The following KIF7 variants were observed in gnomAD, a reference collection of about 807,000 sequenced individuals.
KIF7 encodes kinesin-like protein KIF7.
A neutral mutation model predicts 135.7 loss-of-function variants in KIF7; 104 were observed. The ratio of observed to expected loss-of-function variants is 0.77; its 90% CI spans 0.65 to 0.90. KIF7 has a LOEUF of 0.90. Among genes scored for constraint, KIF7 ranks in the 40% least tolerant of loss-of-function variants. KIF7 has a pLI of 0.00. For synonymous variants in KIF7, 883 were observed against 809.4 expected (o/e 1.09, Z -1.54); for missense variants, 2,005 against 1,839.1 (o/e 1.09, Z -1.65).
upstream of KIF7, among the ~76,000 whole-genome samples, chr15:89,658,912 C>T (rs1964231832): frequency 6.6e-6 from 1 of 151,808 alleles, no homozygotes; most frequent in East Asian, 1.9e-4. Context: ...ATGGATAAAG[C>T]GTTAGAGGAA....
At chr15:89,623,670 AC>A, downstream of KIF7, 10 of 1,612,416 alleles carry the variant, frequency 6.2e-6, no homozygotes, top group Non-Finnish European at 7.6e-6. Context: ...CTAAAACTAC[AC>A]CAAGAAGGAT....
intron 11 of KIF7, among the ~76,000 whole-genome samples, chr15:89,641,366 T>G (rs1185930840): frequency 6.6e-6 from 1 of 152,144 alleles, no homozygotes; most frequent in Non-Finnish European, 1.5e-5. Context: ...ACTAAACTTC[T>G]GCTGTTTAAA....
chr15:89,645,489 C>G (rs985616044), intron 8 of KIF7, 38 bp from the exon 9 acceptor site: 3 of 1,527,918 alleles, frequency 2.0e-6, no homozygotes, highest in Non-Finnish European at 2.7e-6. Context: ...TCCTCCCCAG[C>G]CCCTGCCCCA....
chr15:89,655,047 G>A (rs1964186402), intron 1 of KIF7, among the ~76,000 whole-genome samples: 4 of 152,248 alleles, frequency 2.6e-5, no homozygotes, highest in Admixed American at 2.0e-4. Flanking sequence ...TTCGGAGCCG[G>A]GGCAGGGCAG....
In KIF7 at chr15:89,648,448, T is replaced by G; in HGVS notation, c.1250A>C (p.Asp417Ala). ...CTCGCGCAAGAGGCTGTAGGCGGCGTCGGTGCAGGCCCGGTAGCGCGCGCA... is the reference window on the plus strand; with the variant it reads ...CTCGCGCAAGAGGCTGTAGGCGGCGGCGGTGCAGGCCCGGTAGCGCGCGCA... ...AECARYRACT[D>A]AAYSLLRELQ... Residue 417 changes from aspartate (D) to alanine (A), a missense_variant, in exon 5 of 19, where the codon GAC becomes GCC. Physicochemically the swap from Asp to Ala is moderately radical, Grantham distance 126 (BLOSUM62 -2). Coordinates refer to ENST00000394412, the MANE Select transcript of KIF7 (RefSeq NM_198525.3). 9.1e-7 allele frequency: 1 copy of G among 1,094,380 alleles called. No homozygotes were observed. The highest frequency in any genetic ancestry group is 5.6e-5 in the East Asian group (1 of 17,888). 67.8% of individuals were successfully genotyped at this position (1,094,380 alleles called of 1,614,324 possible).
chr15:89,647,418 C>A (rs1039165130), intron 6 of KIF7, among the ~76,000 whole-genome samples, 178 bp downstream of exon 6: 2 of 152,154 alleles, frequency 1.3e-5, no homozygotes, highest in Admixed American at 1.3e-4. Context: ...GTCCTGCACA[C>A]CCACCTGCGC....
At chr15:89,640,303 TAAAAA>T (rs1963894929) in intron 11 of KIF7, among the ~76,000 whole-genome samples, 2 of 90,772 alleles carry the variant, frequency 2.2e-5, no homozygotes, top group Non-Finnish European at 6.7e-5. Context: ...AATAATAAAT[TAAAAA>T]TAATAATAAT....
intron 15 of KIF7, chr15:89,630,955 G>A (rs551302851): frequency 7.3e-5 from 21 of 288,032 alleles, no homozygotes; most frequent in Non-Finnish European, 1.4e-4. Context: ...GACAGCATGT[G>A]ACTGTACTGA....
chr15:89,660,300 T>C (rs1436423354), upstream of KIF7, among the ~76,000 whole-genome samples: 1 of 152,174 alleles, frequency 6.6e-6, no homozygotes. Flanking sequence ...TTCCCCTCCA[T>C]TTAGGACTTC....
At chr15:89,655,809 C>G (rs1964200834), upstream of KIF7, among the ~76,000 whole-genome samples, 1 of 152,196 alleles carries the variant, frequency 6.6e-6, no homozygotes, top group Non-Finnish European at 1.5e-5. Context: ...AATCTCCCCA[C>G]GTTTAAAAAA....
chr15:89,633,097 C>G (rs1391145851), intron 13 of KIF7, 44 bp downstream of exon 13: 1 of 1,601,002 alleles, frequency 6.2e-7, no homozygotes, highest in East Asian at 2.2e-5. Flanking sequence ...ACCCACCAGC[C>G]AGCCCCCAGG....
At chr15:89,636,180 G>A (rs1438630607) in intron 11 of KIF7, among the ~76,000 whole-genome samples, 209 of 151,994 alleles carry the variant, frequency 1.4e-3, no homozygotes, top group African/African-American at 3.1e-3. Flanking sequence ...TGAAGGAAGC[G>A]CTAAACATGG....
rs774683334 is a variant in KIF7 at position 89,645,061 on chromosome 15, T to C, written c.2143A>G (p.Ile715Val). 55 of 1,606,656 alleles carry C rather than the reference T, an allele frequency of 3.4e-5. No homozygotes were observed. The highest frequency in any genetic ancestry group is 3.3e-4 in the Admixed American group (20 of 60,004). The change falls in exon 10 of 19, where the codon ATC becomes GTC. Residue 715 changes from isoleucine to valine, a missense_variant. Physicochemically the swap from Ile to Val is conservative, Grantham distance 29 (BLOSUM62 3). Transcript: ENST00000394412. ...AGCTCCTCCTTCATGCGGATGTTGA[T>C]AGCCAGCTCCCGGATCTTCTGCTGG... is the stretch of plus-strand genomic sequence containing the variant. ...QAQQKIRELA[I>V]NIRMKEELIG...
At chr15:89,652,298 C>T (rs1030969259) in intron 2 of KIF7, among the ~76,000 whole-genome samples, 3 of 152,198 alleles carry the variant, frequency 2.0e-5, no homozygotes, top group African/African-American at 7.2e-5. Flanking sequence ...GCCTGACAAC[C>T]TCTAGAGACA....
intron 16 of KIF7, 140 bp downstream of exon 16, chr15:89,630,147 G>A: frequency 1.3e-6 from 1 of 755,674 alleles, no homozygotes; most frequent in Non-Finnish European, 2.2e-6. Context: ...TTAAGGTCAG[G>A]CGGCCCTGCA....
the KIF7 span, among the ~76,000 whole-genome samples, chr15:89,661,968 C>T: frequency 4.6e-5 from 7 of 152,188 alleles, no homozygotes; most frequent in Middle Eastern, 3.4e-3. Flanking sequence ...CTCCTGACCT[C>T]GTGATCCGCC....
intron 7 of KIF7, among the ~76,000 whole-genome samples, chr15:89,646,589 C>A (rs1434661013): frequency 6.6e-6 from 1 of 152,302 alleles, no homozygotes; most frequent in East Asian, 1.9e-4. Context: ...GTAACCTCCT[C>A]ATTCCAAGCG....
downstream of KIF7, chr15:89,627,168 G>T (rs1353667380): frequency 1.5e-5 from 24 of 1,549,656 alleles, no homozygotes; most frequent in Non-Finnish European, 2.0e-5. Flanking sequence ...CTGGTCCCAA[G>T]CCTCTTTTGC....
At chr15:89,625,508 C>A (rs1401929637), downstream of KIF7, 7 of 1,613,774 alleles carry the variant, frequency 4.3e-6, no homozygotes, top group Admixed American at 8.3e-5. Flanking sequence ...CACAGGACGC[C>A]CATCTTGGAG....
Sources: gnomAD v4.1 joint callset for allele counts (sites outside exome capture counted in the v4.1 genomes callset) on GRCh38, gnomAD v4.1.1 for gene constraint, MANE v1.5 for transcripts, NCBI Gene and HGNC (gene_info 2026-07-23, HGNC 2026-07-21) for gene names.